The following CD109 variants were observed in gnomAD, a reference collection of about 807,000 sequenced individuals.
CD109 encodes CD109 molecule, also known as CD109 antigen.
A neutral mutation model predicts 165.8 loss-of-function variants in CD109; 149 were observed. That is an observed-to-expected ratio of 0.90 (90% CI 0.79 to 1.03). CD109 has a LOEUF of 1.03. Ranked by LOEUF, CD109 falls within the 50% of genes least tolerant of loss-of-function variation. CD109 has a pLI of 0.00. For missense variants in CD109, 1,712 were observed against 1,677.8 expected (o/e 1.02, Z -0.36); for synonymous variants, 585 against 592.1 (o/e 0.99, Z 0.18).
intron 17 of CD109, 83 bp downstream of exon 17, chr6:73,781,402 A>T: frequency 8.6e-7 from 1 of 1,165,082 alleles, no homozygotes. Context: ...TATTTTTTAG[A>T]TGAACATAGA....
intron 4 of CD109, among the ~76,000 whole-genome samples, chr6:73,734,847 A>G (rs1253079684): frequency 6.6e-6 from 1 of 152,234 alleles, no homozygotes; most frequent in Non-Finnish European, 1.5e-5. Flanking sequence ...GTCACAGTCT[A>G]GTTGGGAATA....
Position 73,824,129 on chromosome 6 carries a change from A to C in CD109, c.*496A>C. The C allele has an allele frequency of 8.5e-6, 1 of 117,258 alleles. No individual in the cohort carries two copies. Among genetic ancestry groups the C allele is most frequent in the African/African-American group, 3.3e-5 (1 of 29,982 alleles). The allele number at this position is 117,258 out of a possible 1,614,324, so 7.3% of individuals were successfully genotyped here. A position where few individuals can be genotyped will look rare whatever the true frequency, so the allele number is the denominator to read the frequency against. On this transcript the variant is annotated 3_prime_UTR_variant, in exon 33 of 33. Coordinates refer to ENST00000287097, the MANE Select transcript of CD109 (RefSeq NM_133493.5). Reference sequence around the variant, plus strand: ...AACCCACCCCATGCCCAGTGGTCTCAGTAGATACTTCTTAACTGGAAATTC... The same window carrying C: ...AACCCACCCCATGCCCAGTGGTCTCCGTAGATACTTCTTAACTGGAAATTC...
Position 73,807,031 on chromosome 6 carries a change from G to A in CD109, c.3148G>A (p.Ala1050Thr). 1 of 1,613,848 alleles carries A rather than the reference G, an allele frequency of 6.2e-7. No individual in the cohort carries two copies. The highest frequency in any genetic ancestry group is 2.2e-5 in the East Asian group (1 of 44,850). ...GGNKSPVTLT[A>T]YIVTSLLGYR... ...CAATAAAAGTCCAGTAACACTTACA[G>A]CCTATATTGTAACTTCTCTCCTGGG... The change falls in exon 25 of 33, where the codon GCC becomes ACC. Residue 1050 changes from alanine to threonine, a missense_variant. Ala to Thr is a moderately conservative substitution (Grantham distance 58). Transcript: ENST00000287097.
rs1202139491 is a variant in CD109 at position 73,826,226 on chromosome 6, A to G, written c.*2593A>G. The G allele has an allele frequency of 1.3e-5, 2 of 152,216 alleles. No homozygotes were observed. The highest frequency in any genetic ancestry group is 2.4e-5 in the African/African-American group (1 of 41,464). 9.4% of individuals were successfully genotyped at this position (152,216 alleles called of 1,614,324 possible). Reference sequence around the variant, plus strand: ...CCACAGGCATAAGGAGAAAAGGAGTATATGTAGTAGTAATAATTACTAGTA... The same window carrying G: ...CCACAGGCATAAGGAGAAAAGGAGTGTATGTAGTAGTAATAATTACTAGTA... On this transcript the variant is annotated 3_prime_UTR_variant, in exon 33 of 33. Transcript: ENST00000287097.
chr6:73,800,231 AAC>A (rs1256024636), intron 23 of CD109, among the ~76,000 whole-genome samples: 2 of 152,156 alleles, frequency 1.3e-5, no homozygotes, highest in Non-Finnish European at 2.9e-5. Flanking sequence ...TTTTTCACTT[AAC>A]AGTGTATCCA....
intron 2 of CD109, among the ~76,000 whole-genome samples, chr6:73,717,782 G>A (rs555980029): frequency 6.6e-6 from 1 of 151,626 alleles, no homozygotes; most frequent in Admixed American, 6.6e-5. Flanking sequence ...ACCACGCCCG[G>A]CTAATTTTTT....
chr6:73,755,666 GAAAT>G (rs1253093212), intron 5 of CD109, among the ~76,000 whole-genome samples: 1 of 152,010 alleles, frequency 6.6e-6, no homozygotes, highest in East Asian at 1.9e-4. Flanking sequence ...GAGCGATTTA[GAAAT>G]ATGAAGAGTT....
intron 15 of CD109, among the ~76,000 whole-genome samples, chr6:73,774,686 C>A (rs1015363308): frequency 2.0e-5 from 3 of 152,178 alleles, no homozygotes; most frequent in African/African-American, 7.2e-5. Context: ...AGGCTACCCC[C>A]TGGAGGGAAA....
intron 2 of CD109, among the ~76,000 whole-genome samples, chr6:73,722,936 G>A (rs1451478438): frequency 1.3e-5 from 2 of 152,138 alleles, no homozygotes; most frequent in Admixed American, 1.3e-4. Flanking sequence ...CCGCAAGCAC[G>A]TATAACCTTA....
chr6:73,766,758 G>C lies in CD109; in HGVS notation c.1333-1G>C. ...TACAGCTCCTTTTTCTTTTATTATA[G>C]GCCTATTTCCTTGGTAGTAAAAGTA... is the stretch of plus-strand genomic sequence containing the variant. On this transcript the variant is annotated splice_acceptor_variant, in intron 11 of 32. Coordinates refer to ENST00000287097, the MANE Select transcript of CD109 (RefSeq NM_133493.5). LOFTEE classifies it high-confidence loss of function. 6.2e-7 allele frequency: 1 copy of C among 1,600,730 alleles called. No individual in the cohort carries two copies.
At chr6:73,758,383 T>A (rs1773480178) in intron 6 of CD109, among the ~76,000 whole-genome samples, 1 of 152,170 alleles carries the variant, frequency 6.6e-6, no homozygotes, top group South Asian at 2.1e-4. Context: ...GTTTATACCT[T>A]AATTATTATT....
intron 27 of CD109, 91 bp downstream of exon 27, chr6:73,810,265 T>C (rs1775707347): frequency 5.9e-6 from 2 of 339,692 alleles, no homozygotes; most frequent in African/African-American, 4.5e-5. Context: ...ATAGTATATA[T>C]TATATAAATC....
At chr6:73,715,233 C>T (rs1361123507) in intron 2 of CD109, among the ~76,000 whole-genome samples, 1 of 152,090 alleles carries the variant, frequency 6.6e-6, no homozygotes, top group Non-Finnish European at 1.5e-5. Flanking sequence ...GCACTCCAGC[C>T]TGGGTGACAG....
At chr6:73,813,388 A>G (rs1009436064) in intron 29 of CD109, among the ~76,000 whole-genome samples, 5 of 152,154 alleles carry the variant, frequency 3.3e-5, no homozygotes, top group Non-Finnish European at 7.4e-5. Flanking sequence ...GATAAACCAA[A>G]TGTAGAGAAA....
chr6:73,814,260 C>T (rs191510685), intron 29 of CD109, among the ~76,000 whole-genome samples: 91 of 152,010 alleles, frequency 6.0e-4, no homozygotes, highest in African/African-American at 2.0e-3. Flanking sequence ...CTTTATGAAC[C>T]TTGTTATAAA....
At position 73,770,939 on chromosome 6, in the gene CD109, C is replaced by A. The variant is rs992720210; in HGVS notation, c.1675-490C>A. On this transcript the variant is annotated intron_variant, in intron 14 of 32. Transcript: ENST00000287097. ...ATGAGGGCCTGGACTAGTGTTTGCT[C>A]TAACCACCCACTCCCTTGGAAAGGC... Among the ~76,000 whole-genome samples the A allele has an allele frequency of 4.6e-5, 7 of 152,188 alleles. 1 individual carries two copies. The highest frequency in any genetic ancestry group is 1.7e-4 in the African/African-American group (7 of 41,444).
intron 23 of CD109, among the ~76,000 whole-genome samples, 156 bp from the exon 24 acceptor site, chr6:73,803,064 A>G (rs147525523): frequency 6.6e-5 from 10 of 152,268 alleles, no homozygotes; most frequent in Admixed American, 2.6e-4. Context: ...AATTTCCAAC[A>G]GCACTTAAAA....
At chr6:73,792,546 C>A in intron 22 of CD109, 80 bp from the exon 23 acceptor site, 1 of 1,212,688 alleles carries the variant, frequency 8.2e-7, no homozygotes, top group Non-Finnish European at 1.2e-6. Context: ...GTCTTCTGTA[C>A]TCAGTGGAAG....
intron 5 of CD109, among the ~76,000 whole-genome samples, chr6:73,746,109 A>G (rs9442956): frequency 0.3 from 45,301 of 152,180 alleles, 6,907 homozygotes; most frequent in Admixed American, 0.36. Flanking sequence ...AAGCGGCCCT[A>G]TATTATCTTA....
Sources: gnomAD v4.1 joint callset for allele counts (sites outside exome capture counted in the v4.1 genomes callset) on GRCh38, gnomAD v4.1.1 for gene constraint, MANE v1.5 for transcripts, NCBI Gene and HGNC (gene_info 2026-07-23, HGNC 2026-07-21) for gene names.